Variants in CEP83 observed in about 807,000 individuals in gnomAD.
CEP83 encodes centrosomal protein of 83 kDa.
Under a neutral mutation model 101.9 loss-of-function variants are expected in CEP83, and 70 were observed. That is an observed-to-expected ratio of 0.69 (90% CI 0.57 to 0.84). The LOEUF is 0.84. Ranked by LOEUF, CEP83 falls within the 40% of genes least tolerant of loss-of-function variation. CEP83 has a pLI of 0.00. For synonymous variants in CEP83, 264 were observed against 267.9 expected (o/e 0.99, Z 0.14); for missense variants, 715 against 787.2 (o/e 0.91, Z 1.10).
intron 6 of CEP83, among the ~76,000 whole-genome samples, chr12:94,391,824 G>A (rs539511595): frequency 1.3e-5 from 2 of 151,842 alleles, no homozygotes; most frequent in African/African-American, 4.8e-5. Flanking sequence ...AAAAAAAGCA[G>A]GGGTTGAAAT....
At position 94,424,612 on chromosome 12, in the gene CEP83, G is replaced by A. The variant is rs1009003391; in HGVS notation, c.-102+10663C>T. The stretch of plus-strand genomic sequence containing the variant: ...TTACCATCTGTGCCTGTACACCACT[G>A]GCCTTCAGTGCTGTTACAGCTTTCT... On this transcript the variant is annotated intron_variant, in intron 2 of 16. Coordinates refer to ENST00000397809, the MANE Select transcript of CEP83 (RefSeq NM_016122.3). The A allele has an allele frequency of 5.0e-6, 8 of 1,613,454 alleles. No homozygotes were observed. In the Admixed American group the frequency reaches 1.2e-4, roughly 24 times the overall value.
chr12:94,340,913 T>C (rs2059657232), intron 11 of CEP83, among the ~76,000 whole-genome samples: 2 of 152,348 alleles, frequency 1.3e-5, no homozygotes, highest in Admixed American at 6.5e-5. Flanking sequence ...GTCACTATTA[T>C]CTAATTGCAT....
the CEP83 span, among the ~76,000 whole-genome samples, chr12:94,271,415 G>A: frequency 1.3e-5 from 2 of 152,226 alleles, no homozygotes; most frequent in African/African-American, 4.8e-5. Context: ...GCCCCCTGCA[G>A]CCTTATCCTC....
chr12:94,282,371 C>T, the CEP83 span: 4 of 1,613,472 alleles, frequency 2.5e-6, no homozygotes, highest in African/African-American at 5.3e-5. Flanking sequence ...AAGATGGAAT[C>T]ACCAAGCTAA....
At chr12:94,297,913 C>T in the CEP83 span, among the ~76,000 whole-genome samples, 1 of 152,160 alleles carries the variant, frequency 6.6e-6, no homozygotes, top group Non-Finnish European at 1.5e-5. Context: ...GAATACCAAA[C>T]CGAGAGCAAA....
upstream of CEP83, chr12:94,460,014 C>G (rs2068035748): frequency 6.6e-6 from 1 of 152,598 alleles, no homozygotes; most frequent in Admixed American, 6.5e-5. Context: ...CCCACGCCAC[C>G]GACGCCGGTT....
At chr12:94,303,548 C>T (rs1464862640), downstream of CEP83, among the ~76,000 whole-genome samples, 4 of 152,088 alleles carry the variant, frequency 2.6e-5, no homozygotes, top group African/African-American at 9.7e-5. Flanking sequence ...CTGAAAATAA[C>T]AGTGACTCAC....
chr12:94,367,691 G>T, intron 11 of CEP83, 103 bp downstream of exon 11: 1 of 667,956 alleles, frequency 1.5e-6, no homozygotes, highest in South Asian at 2.8e-5. Context: ...TGGGAGATCA[G>T]GGTGAAGAGC....
At chr12:94,337,151 CTTTCTATA>C (rs2059484028) in intron 11 of CEP83, among the ~76,000 whole-genome samples, 1 of 152,158 alleles carries the variant, frequency 6.6e-6, no homozygotes, top group African/African-American at 2.4e-5. Context: ...TGGCCTAATG[CTTTCTATA>C]TAGGTTACAC....
At chr12:94,413,849 C>G (rs889645920) in intron 2 of CEP83, among the ~76,000 whole-genome samples, 6 of 151,536 alleles carry the variant, frequency 4.0e-5, no homozygotes, top group Non-Finnish European at 8.8e-5. Context: ...CACACACACA[C>G]ACACACACAC....
At position 94,308,872 on chromosome 12, in the gene CEP83, C is replaced by T. The variant is rs1216745374; in HGVS notation, c.2047G>A (p.Glu683Lys). 1 of 1,612,948 alleles carries T rather than the reference C, an allele frequency of 6.2e-7. No individual in the cohort carries two copies. Among genetic ancestry groups the T allele is most frequent in the East Asian group, 2.2e-5 (1 of 44,840 alleles). ...RELSLLRKRLEELETTQRKQL... is the reference protein window; with the variant it reads ...RELSLLRKRLKELETTQRKQL... ...TTTCTTTGTGTTGTTTCCAGTTCTT[C>T]TAGTCTTTTGCGAAGTAGAGAGAGT... The change falls in exon 17 of 17, where the codon GAA becomes AAA. Residue 683 changes from glutamate (E) to lysine (K), a missense_variant. Glu to Lys is a moderately conservative substitution (Grantham distance 56, BLOSUM62 1). Coordinates refer to ENST00000397809, the MANE Select transcript of CEP83 (RefSeq NM_016122.3).
intron 14 of CEP83, among the ~76,000 whole-genome samples, chr12:94,327,233 T>C (rs1306270622): frequency 6.6e-6 from 1 of 152,182 alleles, no homozygotes. Context: ...AATATAGATA[T>C]AAGAATTAAG....
chr12:94,428,300 G>A (rs1489730934), intron 2 of CEP83, among the ~76,000 whole-genome samples: 1 of 152,152 alleles, frequency 6.6e-6, no homozygotes, highest in Admixed American at 6.5e-5. Context: ...ATAACATGGG[G>A]ACTTTCCAGA....
intron 2 of CEP83, among the ~76,000 whole-genome samples, chr12:94,430,863 C>T (rs144978509): frequency 9.5e-4 from 144 of 152,018 alleles, no homozygotes; most frequent in Non-Finnish European, 1.8e-3. Flanking sequence ...CCAAAAACAG[C>T]GAAATTCATT....
chr12:94,388,454 A>G (rs1236076223), intron 6 of CEP83, among the ~76,000 whole-genome samples: 1 of 152,156 alleles, frequency 6.6e-6, no homozygotes, highest in Non-Finnish European at 1.5e-5. Context: ...GATGAGGGGG[A>G]AAGGGCTCAA....
intron 11 of CEP83, among the ~76,000 whole-genome samples, chr12:94,346,650 C>G (rs1316594168): frequency 6.6e-6 from 1 of 152,150 alleles, no homozygotes; most frequent in African/African-American, 2.4e-5. Context: ...AGCCTTCAAC[C>G]CGCAGGATCT....
At chr12:94,333,735 T>G in intron 12 of CEP83, 96 bp from the exon 13 acceptor site, 1 of 1,170,542 alleles carries the variant, frequency 8.5e-7, no homozygotes, top group Non-Finnish European at 1.2e-6. Context: ...CCTTTGCAAA[T>G]GCTCCCTCAA....
chr12:94,405,530 A>G (rs531613960), intron 4 of CEP83, among the ~76,000 whole-genome samples: 2 of 152,330 alleles, frequency 1.3e-5, no homozygotes, highest in East Asian at 3.9e-4. Flanking sequence ...TACATGTTTG[A>G]GATTTCCAAA....
At chr12:94,354,279 C>G (rs2060339995) in intron 11 of CEP83, among the ~76,000 whole-genome samples, 1 of 152,044 alleles carries the variant, frequency 6.6e-6, no homozygotes, top group African/African-American at 2.4e-5. Flanking sequence ...TAACCTCTGC[C>G]TCCTGGGTTC....
Sources: allele counts gnomAD v4.1 joint callset (sites outside exome capture counted in the v4.1 genomes callset), GRCh38; gene constraint gnomAD v4.1.1; transcripts MANE v1.5; gene names NCBI Gene and HGNC (gene_info 2026-07-23, HGNC 2026-07-21).